Variants in IGSF11 observed in about 807,000 individuals in gnomAD.
The protein encoded by IGSF11 is CXADR like 1.
In IGSF11, 22 loss-of-function variants were observed where a neutral mutation model predicts 41.0. The ratio of observed to expected loss-of-function variants is 0.54; its 90% CI spans 0.38 to 0.77. The LOEUF (loss-of-function observed/expected upper bound fraction) is 0.77. Among genes scored for constraint, IGSF11 ranks in the 30% least tolerant of loss-of-function variants. IGSF11 has a pLI of 0.00. For missense variants in IGSF11, 444 were observed against 530.8 expected (o/e 0.84, Z 1.61); for synonymous variants, 219 against 201.3 (o/e 1.09, Z -0.74).
intron 4 of IGSF11, among the ~76,000 whole-genome samples, chr3:118,908,471 G>A (rs910499241): frequency 6.6e-6 from 1 of 152,198 alleles, no homozygotes; most frequent in African/African-American, 2.4e-5. Flanking sequence ...ACAGCAGACT[G>A]TTTGCAGCCA....
At chr3:119,019,202 A>G (rs1939044621) in intron 1 of IGSF11, among the ~76,000 whole-genome samples, 1 of 151,988 alleles carries the variant, frequency 6.6e-6, no homozygotes, top group Non-Finnish European at 1.5e-5. Flanking sequence ...ATCTGGCCAG[A>G]TAAGGATCCT....
At position 118,920,155 on chromosome 3, in the gene IGSF11, A is replaced by T. The variant is rs1388497870; in HGVS notation, c.580+5946T>A. Among the ~76,000 whole-genome samples, 670 of 147,514 alleles carry T rather than the reference A, an allele frequency of 4.5e-3. 4 individuals carry two copies. Among genetic ancestry groups the T allele is most frequent in the African/African-American group, 0.016 (627 of 40,264 alleles). ...GGGATAGCATTGGGAGATATACCTA[A>T]GGCTAGATGACGAGTTAGTGGGTGC... On this transcript the variant is annotated intron_variant, in intron 4 of 6. Transcript: ENST00000393775.
intron 1 of IGSF11, among the ~76,000 whole-genome samples, chr3:118,953,277 T>C (rs1487340806): frequency 6.6e-6 from 1 of 152,224 alleles, no homozygotes; most frequent in Non-Finnish European, 1.5e-5. Context: ...TATACCACAA[T>C]TTCTTTATCC....
chr3:119,086,042 A>C (rs778977360), intron 1 of IGSF11, among the ~76,000 whole-genome samples: 94 of 152,216 alleles, frequency 6.2e-4, no homozygotes, highest in Non-Finnish European at 1.2e-3. Context: ...GATGAAGTGA[A>C]GTTACAGTTA....
chr3:118,924,877 C>T (rs184169490), intron 4 of IGSF11, among the ~76,000 whole-genome samples: 197 of 152,170 alleles, frequency 1.3e-3, no homozygotes, highest in African/African-American at 3.7e-3. Flanking sequence ...GAGAAGTGAA[C>T]TGTTACAGAA....
chr3:119,002,317 T>C (rs1474793180), intron 1 of IGSF11, among the ~76,000 whole-genome samples: 1 of 150,154 alleles, frequency 6.7e-6, no homozygotes, highest in South Asian at 2.1e-4. Context: ...TTTGATGGGG[T>C]TGTTTGTTTT....
intron 1 of IGSF11, among the ~76,000 whole-genome samples, chr3:119,074,881 A>G (rs908912432): frequency 1.3e-5 from 2 of 152,142 alleles, no homozygotes; most frequent in Non-Finnish European, 2.9e-5. Context: ...ACAAAAAAAA[A>G]GTTAGAAAGA....
At chr3:119,059,111 A>T (rs1267201603) in intron 1 of IGSF11, among the ~76,000 whole-genome samples, 3 of 151,904 alleles carry the variant, frequency 2.0e-5, no homozygotes, top group Non-Finnish European at 4.4e-5. Flanking sequence ...GTACCCTAAA[A>T]CTTAAAGTAT....
At chr3:118,955,453 A>AT (rs1214522886) in intron 1 of IGSF11, among the ~76,000 whole-genome samples, 3 of 152,056 alleles carry the variant, frequency 2.0e-5, no homozygotes, top group Non-Finnish European at 2.9e-5. Flanking sequence ...GGTTTCAGGT[A>AT]TTAAAGTCTT....
At chr3:119,078,384 G>A (rs2076535829) in intron 1 of IGSF11, among the ~76,000 whole-genome samples, 2 of 152,044 alleles carry the variant, frequency 1.3e-5, no homozygotes, top group Admixed American at 6.5e-5. Context: ...ATTACCAATG[G>A]GACAGGTTAG....
intron 1 of IGSF11, among the ~76,000 whole-genome samples, chr3:119,048,264 G>GA (rs1189895862): frequency 6.6e-6 from 1 of 151,452 alleles, no homozygotes; most frequent in African/African-American, 2.4e-5. Flanking sequence ...GACAAATAAA[G>GA]AAAAAAAGAG....
At position 119,133,963 on chromosome 3, in the gene IGSF11, C is replaced by G. The variant is rs572004610; in HGVS notation, c.-14+11850G>C. On this transcript the variant is annotated intron_variant, in intron 1 of 7. Coordinates refer to the IGSF11 transcript ENST00000425327. Reference sequence around the variant, plus strand: ...ATCCATCACATAAACAGAACCAAAACCACATGATTATCTCAACAGATGCAG... The same window carrying G: ...ATCCATCACATAAACAGAACCAAAAGCACATGATTATCTCAACAGATGCAG... Among the ~76,000 whole-genome samples the G allele has an allele frequency of 1.5e-3, 230 of 151,180 alleles. 1 individual carries two copies. Among genetic ancestry groups the G allele is most frequent in the African/African-American group, 5.3e-3 (220 of 41,400 alleles).
At chr3:119,048,536 A>G (rs1053820112) in intron 1 of IGSF11, among the ~76,000 whole-genome samples, 1 of 152,250 alleles carries the variant, frequency 6.6e-6, no homozygotes, top group Non-Finnish European at 1.5e-5. Flanking sequence ...GTCCAAGACC[A>G]GATGGATTCA....
chr3:119,018,297 CTTTACAG>C (rs1178193700), intron 1 of IGSF11, among the ~76,000 whole-genome samples: 3 of 152,188 alleles, frequency 2.0e-5, no homozygotes, highest in South Asian at 2.1e-4. Flanking sequence ...CTCACCTATA[CTTTACAG>C]TTTACTGTTT....
At chr3:119,143,772 A>G (rs1675787753) in intron 1 of IGSF11, among the ~76,000 whole-genome samples, 1 of 152,192 alleles carries the variant, frequency 6.6e-6, no homozygotes, top group African/African-American at 2.4e-5. Flanking sequence ...GGAAAAAGAT[A>G]TGCCATGCAA....
chr3:119,066,079 A>G (rs1246541449), intron 1 of IGSF11, among the ~76,000 whole-genome samples: 1 of 152,200 alleles, frequency 6.6e-6, no homozygotes, highest in Non-Finnish European at 1.5e-5. Context: ...TGATGTCTAT[A>G]AAATCCATAG....
chr3:119,013,911 T>A (rs1938405092), intron 1 of IGSF11, among the ~76,000 whole-genome samples: 1 of 152,382 alleles, frequency 6.6e-6, no homozygotes, highest in South Asian at 2.1e-4. Context: ...TGGTTTCAGA[T>A]ACGATATACA....
intron 1 of IGSF11, among the ~76,000 whole-genome samples, chr3:119,102,997 A>ATTTTTTTT (rs142951970): frequency 1.6e-5 from 2 of 126,842 alleles, no homozygotes; most frequent in Non-Finnish European, 3.2e-5. Context: ...TACTTGGCCA[A>ATTTTTTTT]TTTTTTTTTT....
At chr3:119,022,488 T>C (rs1939391628) in intron 1 of IGSF11, among the ~76,000 whole-genome samples, 1 of 152,236 alleles carries the variant, frequency 6.6e-6, no homozygotes, top group African/African-American at 2.4e-5. Flanking sequence ...TTGGACTGTA[T>C]ACTTTAAACG....
Sources: allele counts gnomAD v4.1 joint callset (sites outside exome capture counted in the v4.1 genomes callset), GRCh38; gene constraint gnomAD v4.1.1; transcripts MANE v1.5; gene names NCBI Gene and HGNC (gene_info 2026-07-23, HGNC 2026-07-21).